The following CNTN4 variants were observed in gnomAD, a reference collection of about 807,000 sequenced individuals.
CNTN4 encodes the protein contactin 4.
In CNTN4, 77 loss-of-function variants were observed where a neutral mutation model predicts 122.5. That is an observed-to-expected ratio of 0.63 (90% CI 0.52 to 0.76). The LOEUF (loss-of-function observed/expected upper bound fraction) is 0.76. CNTN4 is among the 30% of genes least tolerant of loss of function. The pLI is 0.00. For synonymous variants in CNTN4, 512 were observed against 447.0 expected (o/e 1.15, Z -1.83); for missense variants, 1,256 against 1,259.1 (o/e 1.00, Z 0.04).
chr3:2,985,912 CTT>C (rs762011820), intron 13 of CNTN4, among the ~76,000 whole-genome samples: 7,528 of 129,736 alleles, frequency 0.058, 220 homozygotes, highest in African/African-American at 0.091. Flanking sequence ...TAAGAGAATA[CTT>C]TTTTTTTTTT....
At chr3:3,042,526 G>T in intron 21 of CNTN4, 104 bp downstream of exon 21, 1 of 787,852 alleles carries the variant, frequency 1.3e-6, no homozygotes, top group South Asian at 1.4e-5. Context: ...CCCACTAAGA[G>T]GCATTGGTTT....
chr3:2,122,826 A>T (rs1360509414), intron 2 of CNTN4, among the ~76,000 whole-genome samples: 2 of 152,188 alleles, frequency 1.3e-5, no homozygotes, highest in Non-Finnish European at 2.9e-5. Context: ...GAAGCCTCAC[A>T]AGTGATCGTG....
intron 6 of CNTN4, among the ~76,000 whole-genome samples, chr3:2,803,558 C>A (rs1417398507): frequency 7.1e-6 from 1 of 140,708 alleles, no homozygotes; most frequent in Non-Finnish European, 1.5e-5. Flanking sequence ...GTGGTAAATT[C>A]TTTTTTTTTT....
Position 2,823,747 on chromosome 3 carries a change from C to T in CNTN4, c.454+4166C>T, listed in dbSNP as rs143002839. Among the ~76,000 whole-genome samples, 64 of 152,188 alleles carry T rather than the reference C, an allele frequency of 4.2e-4. 1 individual carries two copies. Among genetic ancestry groups the T allele is most frequent in the African/African-American group, 1.4e-3 (59 of 41,526 alleles). Reference sequence around the variant, plus strand: ...CTTTGAGATTCTTCCTTCCAATATACGAAAATTTCTAGTTTATTCCTCAAT... The same window carrying T: ...CTTTGAGATTCTTCCTTCCAATATATGAAAATTTCTAGTTTATTCCTCAAT... On this transcript the variant is annotated intron_variant, in intron 7 of 24. Coordinates refer to ENST00000418658, the MANE Select transcript of CNTN4 (RefSeq NM_175607.3).
chr3:2,875,048 T>A (rs1311467535), intron 8 of CNTN4, among the ~76,000 whole-genome samples: 1 of 152,182 alleles, frequency 6.6e-6, no homozygotes, highest in Non-Finnish European at 1.5e-5. Flanking sequence ...AGTGGTGCGA[T>A]GTCAGCTCAC....
At chr3:2,243,615 C>T (rs1293562489) in intron 2 of CNTN4, among the ~76,000 whole-genome samples, 2 of 151,980 alleles carry the variant, frequency 1.3e-5, no homozygotes, top group African/African-American at 2.4e-5. Flanking sequence ...AGACTGGACA[C>T]CCTTGGGTGA....
intron 13 of CNTN4, among the ~76,000 whole-genome samples, chr3:2,962,585 G>A (rs1245799860): frequency 6.6e-6 from 1 of 152,200 alleles, no homozygotes; most frequent in Non-Finnish European, 1.5e-5. Flanking sequence ...ATATTTACAG[G>A]AATAGTTTGA....
intron 3 of CNTN4, among the ~76,000 whole-genome samples, chr3:2,449,497 C>T (rs1408999409): frequency 6.6e-6 from 1 of 151,932 alleles, no homozygotes; most frequent in Non-Finnish European, 1.5e-5. Context: ...CCCCTGTTAT[C>T]CCAGCTACTA....
At chr3:2,948,805 TG>T (rs143699080) in intron 13 of CNTN4, among the ~76,000 whole-genome samples, 1 of 152,294 alleles carries the variant, frequency 6.6e-6, no homozygotes, top group East Asian at 1.9e-4. Context: ...TATACTATGG[TG>T]TTTTTTAATA....
At chr3:2,982,311 C>T (rs1194091212) in intron 13 of CNTN4, among the ~76,000 whole-genome samples, 1 of 152,146 alleles carries the variant, frequency 6.6e-6, no homozygotes, top group Non-Finnish European at 1.5e-5. Context: ...ACCACCGTCA[C>T]CTGAACAAGT....
intron 14 of CNTN4, among the ~76,000 whole-genome samples, chr3:3,015,788 T>C (rs73808806): frequency 1.3e-5 from 2 of 152,352 alleles, no homozygotes; most frequent in Admixed American, 6.5e-5. Context: ...GAATTCATTG[T>C]CCTTGCCTCA....
At chr3:2,632,429 G>T (rs2082484686) in intron 4 of CNTN4, among the ~76,000 whole-genome samples, 1 of 151,944 alleles carries the variant, frequency 6.6e-6, no homozygotes. Flanking sequence ...CTATCCTCAG[G>T]GGTCATGTTG....
chr3:2,437,179 C>G (rs1463869334), intron 3 of CNTN4, among the ~76,000 whole-genome samples: 4 of 152,224 alleles, frequency 2.6e-5, no homozygotes, highest in African/African-American at 9.6e-5. Flanking sequence ...CATTTAAGAA[C>G]TGTATATTCC....
At chr3:2,180,214 A>G (rs1372139797) in intron 2 of CNTN4, among the ~76,000 whole-genome samples, 2 of 152,026 alleles carry the variant, frequency 1.3e-5, no homozygotes, top group South Asian at 2.1e-4. Flanking sequence ...TTTTTAAATT[A>G]AAATGTTTTC....
rs536302297 is a variant in CNTN4 at position 2,365,487 on chromosome 3, C to T, written c.-89+26254C>T. 4.2e-4 allele frequency among the ~76,000 whole-genome samples: 64 copies of T among 152,240 alleles called. 1 individual carries two copies. Among genetic ancestry groups the T allele is most frequent in the African/African-American group, 1.4e-3 (58 of 41,538 alleles). On this transcript the variant is annotated intron_variant, in intron 3 of 24. Transcript: ENST00000418658. ...TACATTGAACACAAATTTATCTTTT[C>T]AAACTCTGTTCTACACAGTTAATAA...
intron 2 of CNTN4, among the ~76,000 whole-genome samples, chr3:2,152,477 A>G (rs893841679): frequency 6.6e-6 from 1 of 152,188 alleles, no homozygotes; most frequent in East Asian, 1.9e-4. Context: ...GGAATAAGCC[A>G]TGAGCCACAC....
intron 12 of CNTN4, among the ~76,000 whole-genome samples, 153 bp downstream of exon 12, chr3:2,903,158 T>A (rs937159878): frequency 6.6e-6 from 1 of 152,178 alleles, no homozygotes; most frequent in Non-Finnish European, 1.5e-5. Flanking sequence ...AATAAGCAAG[T>A]CTATAAACAA....
At chr3:2,727,250 C>T (rs921024431) in intron 4 of CNTN4, among the ~76,000 whole-genome samples, 1 of 152,184 alleles carries the variant, frequency 6.6e-6, no homozygotes, top group Non-Finnish European at 1.5e-5. Context: ...TACATAATAG[C>T]ATCCCCAGCT....
At chr3:2,362,703 C>T in intron 3 of CNTN4, 3 of 344,842 alleles carry the variant, frequency 8.7e-6, no homozygotes, top group South Asian at 7.4e-5. Flanking sequence ...CCTGCACATT[C>T]ACTTACTTGG....
Sources: gnomAD v4.1 joint callset for allele counts (sites outside exome capture counted in the v4.1 genomes callset) on GRCh38, gnomAD v4.1.1 for gene constraint, MANE v1.5 for transcripts, NCBI Gene and HGNC (gene_info 2026-07-23, HGNC 2026-07-21) for gene names.